Variants in GALNT13 observed in about 807,000 individuals in gnomAD.
GALNT13 encodes polypeptide N-acetylgalactosaminyltransferase 13.
A neutral mutation model predicts 64.2 loss-of-function variants in GALNT13; 28 were observed. The observed-to-expected ratio is 0.44, with a 90% CI of 0.32 to 0.60. GALNT13 has a LOEUF of 0.60. Among genes scored for constraint, GALNT13 ranks in the 20% least tolerant of loss-of-function variants. GALNT13 has a pLI of 0.05. For missense variants in GALNT13, 577 were observed against 669.8 expected, an observed-to-expected ratio of 0.86 and a Z score of 1.53; for synonymous variants, 214 against 224.6, an observed-to-expected ratio of 0.95 and a Z score of 0.42.
At chr2:154,198,726 C>T (rs1393375389) in intron 4 of GALNT13, among the ~76,000 whole-genome samples, 1 of 151,770 alleles carries the variant, frequency 6.6e-6, no homozygotes, top group Non-Finnish European at 1.5e-5. Context: ...TAAAATGACC[C>T]AGTAACAAAT....
At chr2:153,687,765 T>C in the GALNT13 span, among the ~76,000 whole-genome samples, 1 of 151,956 alleles carries the variant, frequency 6.6e-6, no homozygotes, top group Non-Finnish European at 1.5e-5. Flanking sequence ...TTAGCCTATA[T>C]TGACGAAGCC....
chr2:154,061,431 C>T (rs11677859), intron 3 of GALNT13, among the ~76,000 whole-genome samples: 113,855 of 152,094 alleles, frequency 0.75, 42,998 homozygotes, highest in East Asian at 0.96. Flanking sequence ...AGCTGGACTC[C>T]TCAATCCTTT....
At chr2:153,963,508 C>G (rs776214899) in intron 3 of GALNT13, among the ~76,000 whole-genome samples, 11 of 152,082 alleles carry the variant, frequency 7.2e-5, no homozygotes, top group Non-Finnish European at 1.6e-4. Context: ...GTCTGTTTTC[C>G]CAAGTTGTTA....
chr2:154,152,729 C>G (rs1684125426), intron 4 of GALNT13, among the ~76,000 whole-genome samples: 1 of 152,178 alleles, frequency 6.6e-6, no homozygotes. Flanking sequence ...GCATCGGCTC[C>G]TGACACTTCT....
At chr2:154,056,469 T>A (rs1314592684) in intron 3 of GALNT13, among the ~76,000 whole-genome samples, 1 of 152,158 alleles carries the variant, frequency 6.6e-6, no homozygotes, top group Non-Finnish European at 1.5e-5. Context: ...AACTTCAGAC[T>A]CATAGATCAA....
chr2:153,666,855 G>T, the GALNT13 span, among the ~76,000 whole-genome samples: 3 of 152,008 alleles, frequency 2.0e-5, no homozygotes, highest in African/African-American at 7.2e-5. Flanking sequence ...TCAGAATCAG[G>T]GTGGAAATGA....
the GALNT13 span, among the ~76,000 whole-genome samples, chr2:153,437,937 T>A: frequency 2.6e-5 from 4 of 152,254 alleles, no homozygotes; most frequent in African/African-American, 9.6e-5. Context: ...GTCTTTACAA[T>A]TGGCATGTTT....
At chr2:153,150,126 T>C in the GALNT13 span, among the ~76,000 whole-genome samples, 2 of 151,948 alleles carry the variant, frequency 1.3e-5, no homozygotes, top group Non-Finnish European at 2.9e-5. Context: ...GTTCTCTTTT[T>C]CTTCAAATAA....
the GALNT13 span, among the ~76,000 whole-genome samples, chr2:153,501,022 C>T: frequency 1.7e-4 from 26 of 151,794 alleles, no homozygotes; most frequent in Non-Finnish European, 2.5e-4. Context: ...ACCTGTCTTC[C>T]GGATATTTCA....
At chr2:153,354,989 A>C in the GALNT13 span, among the ~76,000 whole-genome samples, 125 of 152,274 alleles carry the variant, frequency 8.2e-4, no homozygotes, top group African/African-American at 2.8e-3. Flanking sequence ...TCTGAACTGA[A>C]ATGTTCAAAT....
At chr2:154,228,213 G>A (rs2105839575) in intron 4 of GALNT13, among the ~76,000 whole-genome samples, 1 of 151,162 alleles carries the variant, frequency 6.6e-6, no homozygotes, top group East Asian at 2.0e-4. Context: ...GCCTCAAAGA[G>A]CGTGTTTATG....
chr2:154,335,701 A>C (rs1382610870), intron 9 of GALNT13, among the ~76,000 whole-genome samples: 1 of 152,050 alleles, frequency 6.6e-6, no homozygotes, highest in Non-Finnish European at 1.5e-5. Context: ...GTAATATTAT[A>C]GGGATTAATC....
chr2:154,164,677 T>C (rs992551982), intron 4 of GALNT13, among the ~76,000 whole-genome samples: 4 of 152,058 alleles, frequency 2.6e-5, no homozygotes, highest in Non-Finnish European at 5.9e-5. Context: ...TATTGAAAAG[T>C]TCTTTGTAAG....
the GALNT13 span, chr2:153,477,915 C>T: frequency 2.8e-6 from 1 of 359,034 alleles, no homozygotes; most frequent in East Asian, 5.6e-5. Context: ...CTTGGCCCAC[C>T]TGCGGGTGGA....
chr2:153,294,835 TC>T, the GALNT13 span, among the ~76,000 whole-genome samples: 1 of 152,316 alleles, frequency 6.6e-6, no homozygotes, highest in East Asian at 1.9e-4. Context: ...CTGTCACTCA[TC>T]CTTTTTTTCT....
At chr2:153,573,833 GTTCA>G in the GALNT13 span, among the ~76,000 whole-genome samples, 15 of 152,006 alleles carry the variant, frequency 9.9e-5, no homozygotes, top group South Asian at 3.1e-3. Context: ...TTTTTGATTG[GTTCA>G]TTGTTTTGTC....
chr2:154,055,711 A>G (rs1296734822), intron 3 of GALNT13, among the ~76,000 whole-genome samples: 1 of 152,092 alleles, frequency 6.6e-6, no homozygotes, highest in Non-Finnish European at 1.5e-5. Flanking sequence ...TAAATTTCAA[A>G]GGCAAGCCAG....
At chr2:154,275,884 G>T (rs1225156397) in intron 8 of GALNT13, among the ~76,000 whole-genome samples, 1 of 152,216 alleles carries the variant, frequency 6.6e-6, no homozygotes, top group Non-Finnish European at 1.5e-5. Context: ...ACCCAAGGCC[G>T]TGGGAGCCCA....
At chr2:153,537,267 A>G in the GALNT13 span, among the ~76,000 whole-genome samples, 1 of 152,302 alleles carries the variant, frequency 6.6e-6, no homozygotes, top group African/African-American at 2.4e-5. Context: ...TAATTGCAGA[A>G]ATTTAAAACA....
Sources: gnomAD v4.1 joint callset for allele counts (sites outside exome capture counted in the v4.1 genomes callset) on GRCh38, gnomAD v4.1.1 for gene constraint, MANE v1.5 for transcripts, NCBI Gene and HGNC (gene_info 2026-07-23, HGNC 2026-07-21) for gene names.